The following SEMA3A variants were observed in gnomAD, a reference collection of about 807,000 sequenced individuals.
The protein encoded by SEMA3A is semaphorin 3A.
Under a neutral mutation model 97.9 loss-of-function variants are expected in SEMA3A, and 29 were observed. That is an observed-to-expected ratio of 0.30 (90% CI 0.22 to 0.40). The LOEUF (loss-of-function observed/expected upper bound fraction) is 0.40, where lower values mean the gene tolerates loss of function less well. Ranked by LOEUF, SEMA3A falls within the 10% of genes least tolerant of loss-of-function variation. The pLI is 1.00. For missense variants in SEMA3A, 763 were observed against 951.3 expected (o/e 0.80, Z 2.60); for synonymous variants, 321 against 323.7 (o/e 0.99, Z 0.09).
chr7:84,273,979 A>C (rs1201113821), intron 3 of SEMA3A, among the ~76,000 whole-genome samples: 1 of 152,036 alleles, frequency 6.6e-6, no homozygotes, highest in African/African-American at 2.4e-5. Flanking sequence ...TTTAAATAAA[A>C]AATAAAATTA....
Position 83,963,298 on chromosome 7 carries a change from C to T in SEMA3A, c.1767G>A (p.Glu589=), listed in dbSNP as rs867220951. 6.2e-7 allele frequency: 1 copy of T among 1,613,776 alleles called. No individual in the cohort carries two copies. ...TGCATTCCAAAAATGTGCTACTATT[C>T]TCTACACCATAGATGATTCTCTCTT... ...SPEERIIYGV[E]NSSTFLECSP... Residue 589 remains glutamate, a synonymous_variant, in exon 16 of 17, where the codon GAG becomes GAA. Transcript: ENST00000265362.
chr7:84,243,431 C>A (rs1331330644), intron 3 of SEMA3A, among the ~76,000 whole-genome samples: 1 of 152,112 alleles, frequency 6.6e-6, no homozygotes, highest in East Asian at 1.9e-4. Context: ...AGTTTATTTG[C>A]GTAGAGGTGT....
rs560548227 is a variant in SEMA3A at position 84,117,692 on chromosome 7, C to A, written c.334-7103G>T. On this transcript the variant is annotated intron_variant, in intron 3 of 16. Transcript: ENST00000265362. ...GGAACAGTTTCACCCCAAAACCATC[C>A]CCTTTTTGGCCTGTGAAAAAATTGT... is the stretch of plus-strand genomic sequence containing the variant. Among the ~76,000 whole-genome samples, 10 of 152,194 alleles carry A rather than the reference C, an allele frequency of 6.6e-5. No homozygotes were observed. The South Asian group carries it at 1.9e-3, about 28-fold the overall frequency.
intron 1 of SEMA3A, among the ~76,000 whole-genome samples, chr7:84,184,038 A>G (rs1797806241): frequency 6.6e-6 from 1 of 152,180 alleles, no homozygotes; most frequent in African/African-American, 2.4e-5. Flanking sequence ...TGTGAACAGA[A>G]GTATTGTCAC....
intron 3 of SEMA3A, among the ~76,000 whole-genome samples, chr7:84,216,508 C>T (rs923145549): frequency 6.6e-6 from 1 of 152,072 alleles, no homozygotes; most frequent in Non-Finnish European, 1.5e-5. Flanking sequence ...CAAACCTGAT[C>T]CTTTCTTCAG....
chr7:84,278,294 A>G (rs541881640), intron 3 of SEMA3A, among the ~76,000 whole-genome samples: 5 of 152,196 alleles, frequency 3.3e-5, no homozygotes, highest in African/African-American at 1.2e-4. Flanking sequence ...TTCACTCTTC[A>G]TATCACTATC....
intron 5 of SEMA3A, among the ~76,000 whole-genome samples, chr7:84,059,396 A>C (rs1029893012): frequency 7.2e-5 from 11 of 152,154 alleles, no homozygotes; most frequent in African/African-American, 2.2e-4. Context: ...AAAAGAAAAC[A>C]CTAGAAAATA....
chr7:83,996,300 C>CT (rs35148121), intron 12 of SEMA3A, among the ~76,000 whole-genome samples: 2,995 of 111,954 alleles, frequency 0.027, 102 homozygotes, highest in African/African-American at 0.056. Flanking sequence ...TACTAGTAAT[C>CT]TTTTTTTTTT....
At chr7:84,134,664 CATCAGAAAAGACAAACT>C in intron 2 of SEMA3A, 113 bp downstream of exon 2, 1 of 625,938 alleles carries the variant, frequency 1.6e-6, no homozygotes, top group African/African-American at 1.9e-5. Context: ...TTTTTATTTG[CATCAGAAAAGACAAACT>C]ATTAATTCAA....
chr7:84,055,532 C>T (rs1380172505), intron 5 of SEMA3A, among the ~76,000 whole-genome samples: 4 of 152,298 alleles, frequency 2.6e-5, no homozygotes, highest in East Asian at 3.9e-4. Flanking sequence ...TTGCGCTTCC[C>T]GAGTGAGGCT....
chr7:84,214,544 A>T (rs1798700610), intron 3 of SEMA3A, among the ~76,000 whole-genome samples: 1 of 152,166 alleles, frequency 6.6e-6, no homozygotes, highest in South Asian at 2.1e-4. Context: ...TGAATTATAT[A>T]CAATGTCTAT....
intron 1 of SEMA3A, among the ~76,000 whole-genome samples, chr7:84,373,900 T>C (rs974055776): frequency 2.0e-5 from 3 of 152,254 alleles, no homozygotes; most frequent in Non-Finnish European, 4.4e-5. Context: ...TTTTGTATTA[T>C]ATTTTTTAAC....
At chr7:84,409,876 C>T (rs1804211663) in intron 1 of SEMA3A, among the ~76,000 whole-genome samples, 1 of 152,016 alleles carries the variant, frequency 6.6e-6, no homozygotes, top group African/African-American at 2.4e-5. Flanking sequence ...GATATTTATG[C>T]ATTGCTTTCC....
chr7:84,471,306 T>C (rs1300285555), intron 1 of SEMA3A, among the ~76,000 whole-genome samples: 2 of 152,118 alleles, frequency 1.3e-5, no homozygotes, highest in African/African-American at 2.4e-5. Context: ...TAACTCAATA[T>C]CATTTTAAAA....
At chr7:84,441,778 A>G (rs1288046265) in intron 1 of SEMA3A, among the ~76,000 whole-genome samples, 1 of 152,206 alleles carries the variant, frequency 6.6e-6, no homozygotes, top group Non-Finnish European at 1.5e-5. Flanking sequence ...GAATTTTAAA[A>G]TAAGTAAAAT....
intron 3 of SEMA3A, among the ~76,000 whole-genome samples, chr7:84,296,061 A>G (rs1584212317): frequency 6.6e-6 from 1 of 152,182 alleles, no homozygotes; most frequent in Non-Finnish European, 1.5e-5. Context: ...ACTACAAGAG[A>G]TAAAACAGTA....
At chr7:84,413,913 C>T (rs1201872098) in intron 1 of SEMA3A, among the ~76,000 whole-genome samples, 2 of 151,894 alleles carry the variant, frequency 1.3e-5, no homozygotes, top group Non-Finnish European at 1.5e-5. Context: ...TCAATTAATC[C>T]TCAAAGCAGT....
intron 6 of SEMA3A, among the ~76,000 whole-genome samples, chr7:84,045,878 T>C (rs1232011655): frequency 1.3e-5 from 2 of 151,916 alleles, no homozygotes; most frequent in Admixed American, 6.6e-5. Flanking sequence ...GAAAAGACTA[T>C]TAATATGTTA....
At chr7:84,429,315 A>G (rs1804907115) in intron 1 of SEMA3A, among the ~76,000 whole-genome samples, 2 of 151,466 alleles carry the variant, frequency 1.3e-5, no homozygotes, top group Middle Eastern at 3.4e-3. Context: ...AACTAGTACG[A>G]CATCTCCAAT....
Sources: gnomAD v4.1 joint callset for allele counts (sites outside exome capture counted in the v4.1 genomes callset) on GRCh38, gnomAD v4.1.1 for gene constraint, MANE v1.5 for transcripts, NCBI Gene and HGNC (gene_info 2026-07-23, HGNC 2026-07-21) for gene names.